The following CSNK1G1 variants were observed in gnomAD, a reference collection of about 807,000 sequenced individuals.
CSNK1G1 encodes the protein casein kinase I isoform gamma-1.
Under a neutral mutation model 59.6 loss-of-function variants are expected in CSNK1G1, and 22 were observed. That is an observed-to-expected ratio of 0.37 (90% CI 0.26 to 0.53). The LOEUF (loss-of-function observed/expected upper bound fraction) is 0.53. CSNK1G1 is among the 20% of genes least tolerant of loss of function. The probability of loss-of-function intolerance (pLI) is 0.89; values close to 1 mark genes in which losing one functional copy is unlikely to be tolerated. For synonymous variants in CSNK1G1, 179 were observed against 177.1 expected (o/e 1.01, Z -0.08); for missense variants, 384 against 519.5 (o/e 0.74, Z 2.54).
chr15:64,250,031 A>C (rs1421015309), intron 4 of CSNK1G1, among the ~76,000 whole-genome samples: 1 of 152,244 alleles, frequency 6.6e-6, no homozygotes, highest in Non-Finnish European at 1.5e-5. Flanking sequence ...AAACATGCTT[A>C]TCATAAATGG....
intron 2 of CSNK1G1, among the ~76,000 whole-genome samples, chr15:64,294,644 C>T (rs1026363370): frequency 6.6e-6 from 1 of 152,062 alleles, no homozygotes; most frequent in Admixed American, 6.6e-5. Flanking sequence ...GGAGTGGTGG[C>T]TCATACCTGT....
chr15:64,183,567 C>A (rs1380200123), intron 10 of CSNK1G1, among the ~76,000 whole-genome samples: 1 of 152,118 alleles, frequency 6.6e-6, no homozygotes, highest in Non-Finnish European at 1.5e-5. Flanking sequence ...CCTCTGTGAG[C>A]CCTATTTTCT....
chr15:64,305,785 A>AC (rs397783319), intron 1 of CSNK1G1, among the ~76,000 whole-genome samples: 3 of 148,824 alleles, frequency 2.0e-5, no homozygotes, highest in East Asian at 3.9e-4. Flanking sequence ...AAAAAAAAAA[A>AC]CACAAATAAA....
At chr15:64,294,313 A>T (rs961468081) in intron 2 of CSNK1G1, among the ~76,000 whole-genome samples, 3 of 152,030 alleles carry the variant, frequency 2.0e-5, no homozygotes, top group African/African-American at 7.2e-5. Flanking sequence ...ATCTCAGGTG[A>T]TCCGCCCACC....
At chr15:64,269,845 C>A (rs1434351787) in intron 2 of CSNK1G1, among the ~76,000 whole-genome samples, 2 of 151,552 alleles carry the variant, frequency 1.3e-5, no homozygotes, top group African/African-American at 4.9e-5. Flanking sequence ...ACTCTGCCAC[C>A]CACGTTGGAG....
At chr15:64,349,360 A>G (rs1371924739) in intron 1 of CSNK1G1, among the ~76,000 whole-genome samples, 1 of 152,072 alleles carries the variant, frequency 6.6e-6, no homozygotes, top group East Asian at 1.9e-4. Flanking sequence ...GGCAATGGCT[A>G]CCTCTTCACC....
At chr15:64,207,820 A>C (rs548584190) in intron 6 of CSNK1G1, among the ~76,000 whole-genome samples, 1 of 152,326 alleles carries the variant, frequency 6.6e-6, no homozygotes, top group South Asian at 2.1e-4. Flanking sequence ...GAAAAGAGCA[A>C]ATTCTGAATT....
intron 2 of CSNK1G1, among the ~76,000 whole-genome samples, chr15:64,294,197 C>T (rs1386789614): frequency 6.6e-6 from 1 of 152,090 alleles, no homozygotes; most frequent in Non-Finnish European, 1.5e-5. Context: ...CTCAGCCTTC[C>T]GAGTAGCTGG....
chr15:64,333,257 CAAAA>C lies in CSNK1G1; in HGVS notation c.-225+22727_-225+22730del, dbSNP rs60857897. On this transcript the variant is annotated intron_variant, in intron 1 of 11. Coordinates refer to ENST00000303052, the MANE Select transcript of CSNK1G1 (RefSeq NM_022048.5). ...GAGCAACAAGAGTGAGACTCCATCT[CAAAA>C]AAAAAAAAAAAAAAAAAAAAAGGAA... is the stretch of plus-strand genomic sequence containing the variant. Among the ~76,000 whole-genome samples the C allele has an allele frequency of 7.7e-3, 127 of 16,500 alleles. 1 individual carries two copies. Among genetic ancestry groups the C allele is most frequent in the African/African-American group, 0.035 (122 of 3,484 alleles). The allele number at this position is 16,500 out of a possible 152,430, so 10.8% of individuals were successfully genotyped here.
intron 1 of CSNK1G1, among the ~76,000 whole-genome samples, chr15:64,313,236 A>C (rs1464750809): frequency 6.6e-6 from 1 of 152,218 alleles, no homozygotes; most frequent in Non-Finnish European, 1.5e-5. Context: ...TTGACCCAGC[A>C]ATCCCATTAC....
At position 64,206,586 on chromosome 15, in the gene CSNK1G1, CAAAAAAAAAAAAAAA is replaced by C. The variant is rs36192246; in HGVS notation, c.765+908_765+922del. ...TGGGAAACAGAGTGAAACTCTGTCT[CAAAAAAAAAAAAAAA>C]AAAAAAAAAAAAAAAAGTCTCACAA... On this transcript the variant is annotated intron_variant, in intron 7 of 11. Transcript: ENST00000303052. 2.2e-4 allele frequency among the ~76,000 whole-genome samples: 11 copies of C among 49,706 alleles called. No homozygotes were observed. In the South Asian group the frequency reaches 0.014, roughly 61 times the overall value. The allele number at this position is 49,706 out of a possible 152,430, so 32.6% of individuals were successfully genotyped here.
At chr15:64,311,944 A>G (rs115817914) in intron 1 of CSNK1G1, among the ~76,000 whole-genome samples, 168 of 152,316 alleles carry the variant, frequency 1.1e-3, no homozygotes, top group African/African-American at 3.8e-3. Flanking sequence ...ATGTGCAAAG[A>G]TCACAAGCAT....
At chr15:64,213,047 T>C (rs1266122779) in intron 6 of CSNK1G1, among the ~76,000 whole-genome samples, 1 of 152,100 alleles carries the variant, frequency 6.6e-6, no homozygotes, top group Non-Finnish European at 1.5e-5. Context: ...TGTGCAATAG[T>C]TCACTAATAT....
In CSNK1G1 at chr15:64,165,922, C is replaced by T. The variant is rs1201852970; in HGVS notation, c.*6009G>A. The stretch of plus-strand genomic sequence containing the variant: ...CATTTTCTCCAAAGAAGGCTACTTC[C>T]TCTGCAGAGAAGATTTTCCTAATGG... On this transcript the variant is annotated 3_prime_UTR_variant, in exon 12 of 12. Transcript: ENST00000303052. 6.9e-6 allele frequency: 4 copies of T among 580,156 alleles called. No individual in the cohort carries two copies. The East Asian group carries it at 9.1e-5, about 13-fold the overall frequency. 35.9% of individuals were successfully genotyped at this position (580,156 alleles called of 1,614,324 possible).
intron 4 of CSNK1G1, among the ~76,000 whole-genome samples, chr15:64,250,929 T>C (rs1364021965): frequency 6.6e-6 from 1 of 152,128 alleles, no homozygotes; most frequent in East Asian, 1.9e-4. Flanking sequence ...TAGCAAAACA[T>C]TTTTCTGGAA....
At chr15:64,316,030 G>C (rs1283456847) in intron 1 of CSNK1G1, among the ~76,000 whole-genome samples, 1 of 152,076 alleles carries the variant, frequency 6.6e-6, no homozygotes, top group Non-Finnish European at 1.5e-5. Context: ...TGTTGTTGTT[G>C]CTTGTTTGTT....
intron 1 of CSNK1G1, among the ~76,000 whole-genome samples, chr15:64,354,621 A>T (rs1533379): frequency 0.92 from 140,783 of 152,206 alleles, 65,793 homozygotes; most frequent in East Asian, 1. Flanking sequence ...TTTTTTTCAA[A>T]ATTATCCGGT....
intron 1 of CSNK1G1, among the ~76,000 whole-genome samples, chr15:64,345,474 T>A (rs923893469): frequency 6.6e-6 from 1 of 152,186 alleles, no homozygotes; most frequent in African/African-American, 2.4e-5. Context: ...AAGGCTCTTG[T>A]CCTTAGTGAC....
At chr15:64,190,284 A>G (rs1399449815) in intron 10 of CSNK1G1, among the ~76,000 whole-genome samples, 1 of 152,200 alleles carries the variant, frequency 6.6e-6, no homozygotes, top group Non-Finnish European at 1.5e-5. Context: ...GTTTGATTTT[A>G]TGCTGCTAGT....
Sources: gnomAD v4.1 joint callset for allele counts (sites outside exome capture counted in the v4.1 genomes callset) on GRCh38, gnomAD v4.1.1 for gene constraint, MANE v1.5 for transcripts, NCBI Gene and HGNC (gene_info 2026-07-23, HGNC 2026-07-21) for gene names.